The following LINGO1 variants were observed in gnomAD, a reference collection of about 807,000 sequenced individuals.
The protein encoded by LINGO1 is leucine-rich repeat and immunoglobulin-like domain-containing nogo receptor-interacting protein 1.
LINGO1 carries 11 observed loss-of-function variants against 37.3 expected under a neutral mutation model. The ratio of observed to expected loss-of-function variants is 0.29; its 90% CI spans 0.19 to 0.49. LINGO1 has a LOEUF of 0.49. Ranked by LOEUF, LINGO1 falls within the 20% of genes least tolerant of loss-of-function variation. The probability of loss-of-function intolerance (pLI) is 0.99; values close to 1 mark genes in which losing one functional copy is unlikely to be tolerated. For synonymous variants in LINGO1, 387 were observed against 403.0 expected, an observed-to-expected ratio of 0.96 and a Z score of 0.48; for missense variants, 585 against 878.2, an observed-to-expected ratio of 0.67 and a Z score of 4.22.
intron 3 of LINGO1, among the ~76,000 whole-genome samples, chr15:77,676,070 C>T (rs2075322523): frequency 1.3e-5 from 2 of 152,220 alleles, no homozygotes; most frequent in Non-Finnish European, 2.9e-5. Flanking sequence ...GGGGGGAAGA[C>T]GAGGAACCTT....
intron 1 of LINGO1, among the ~76,000 whole-genome samples, chr15:77,776,558 G>GGAA (rs1596218444): frequency 1.1e-4 from 7 of 61,272 alleles, no homozygotes; most frequent in South Asian, 4.2e-4. Flanking sequence ...GGGAGGGAGG[G>GGAA]AGCTGACTCT....
intron 3 of LINGO1, among the ~76,000 whole-genome samples, chr15:77,670,391 G>A (rs1424397642): frequency 6.6e-6 from 1 of 152,220 alleles, no homozygotes; most frequent in African/African-American, 2.4e-5. Flanking sequence ...TGTTTAAAAT[G>A]GAACAACACA....
At chr15:77,676,248 G>A (rs148664142) in intron 3 of LINGO1, among the ~76,000 whole-genome samples, 1 of 152,384 alleles carries the variant, frequency 6.6e-6, no homozygotes, top group Non-Finnish European at 1.5e-5. Flanking sequence ...GCTGATCTGA[G>A]GCCAGGGTGA....
chr15:77,703,012 C>G (rs1005038365), intron 2 of LINGO1, among the ~76,000 whole-genome samples: 2 of 152,232 alleles, frequency 1.3e-5, no homozygotes, highest in African/African-American at 4.8e-5. Flanking sequence ...TTGGACCAGG[C>G]AGATGTGAAT....
chr15:77,641,807 C>A, intron 3 of LINGO1: 1 of 454,666 alleles, frequency 2.2e-6, no homozygotes, highest in Non-Finnish European at 4.4e-6. Flanking sequence ...GTTCAGATAG[C>A]AGCTGGACAA....
intron 1 of LINGO1, among the ~76,000 whole-genome samples, chr15:77,777,690 C>G (rs888774068): frequency 6.6e-6 from 1 of 152,084 alleles, no homozygotes; most frequent in South Asian, 2.1e-4. Context: ...ACTTTGGGAG[C>G]CCGCGGCAGG....
intron 1 of LINGO1, among the ~76,000 whole-genome samples, chr15:77,802,379 T>A (rs2076926898): frequency 6.6e-6 from 1 of 151,856 alleles, no homozygotes; most frequent in Admixed American, 6.6e-5. Flanking sequence ...GTGTGCATAG[T>A]GTGTGTAGTA....
At chr15:77,777,035 A>G (rs2076663070) in intron 1 of LINGO1, among the ~76,000 whole-genome samples, 1 of 152,170 alleles carries the variant, frequency 6.6e-6, no homozygotes, top group African/African-American at 2.4e-5. Flanking sequence ...CATCTAGGCA[A>G]ATCTCAGTCC....
chr15:77,646,550 C>A (rs986964045), intron 3 of LINGO1: 1 of 403,332 alleles, frequency 2.5e-6, no homozygotes, highest in East Asian at 8.0e-5. Flanking sequence ...CAGGCAGGAA[C>A]CTGGGGTTTC....
chr15:77,820,595 G>T (rs944096517), upstream of LINGO1, among the ~76,000 whole-genome samples: 2 of 152,210 alleles, frequency 1.3e-5, no homozygotes, highest in Non-Finnish European at 2.9e-5. Context: ...GGGCTCACGG[G>T]CTGGCGTCCC....
intron 2 of LINGO1, among the ~76,000 whole-genome samples, chr15:77,710,011 A>G (rs2075899007): frequency 6.6e-6 from 1 of 152,234 alleles, no homozygotes; most frequent in Admixed American, 6.5e-5. Context: ...GGGTCTGAGA[A>G]GGGCACAGGG....
upstream of LINGO1, among the ~76,000 whole-genome samples, chr15:77,698,899 C>A (rs1487287440): frequency 6.6e-6 from 1 of 152,158 alleles, no homozygotes; most frequent in African/African-American, 2.4e-5. Flanking sequence ...TCCCTGCGGA[C>A]AAGAGCAGGC....
chr15:77,810,266 ACT>A (rs1376274875), intron 1 of LINGO1, among the ~76,000 whole-genome samples: 1 of 124,986 alleles, frequency 8.0e-6, no homozygotes, highest in African/African-American at 2.6e-5. Flanking sequence ...ACATGCACAC[ACT>A]CACACACACA....
chr15:77,690,260 T>C lies in LINGO1; in HGVS notation c.-99+460A>G, dbSNP rs184101029. Reference sequence around the variant, plus strand: ...TGTGGACCCAGTTAAAGGTTCAGGATGAGCTGAATCGAGATCAACTCGAGG... The same window carrying C: ...TGTGGACCCAGTTAAAGGTTCAGGACGAGCTGAATCGAGATCAACTCGAGG... On this transcript the variant is annotated intron_variant, in intron 2 of 3. Coordinates refer to the LINGO1 transcript ENST00000559893. 4.9e-4 allele frequency among the ~76,000 whole-genome samples: 74 copies of C among 152,318 alleles called. 1 individual carries two copies. Among genetic ancestry groups the C allele is most frequent in the African/African-American group, 1.7e-3 (69 of 41,578 alleles).
intron 3 of LINGO1, among the ~76,000 whole-genome samples, chr15:77,663,617 C>A (rs1045621347): frequency 1.2e-4 from 18 of 152,354 alleles, no homozygotes; most frequent in African/African-American, 3.6e-4. Flanking sequence ...ACCCAGACCC[C>A]CAGCCCCTGC....
At position 77,614,486 on chromosome 15, in the gene LINGO1, A is replaced by G. The variant is rs1451968839; in HGVS notation, c.1421T>C (p.Leu474Pro). The G allele has an allele frequency of 1.2e-6, 2 of 1,610,382 alleles. No individual in the cohort carries two copies. Among genetic ancestry groups the G allele is most frequent in the Non-Finnish European group, 1.7e-6 (2 of 1,179,738 alleles). Residue 474 changes from leucine (L) to proline (P), a missense_variant, in exon 2 of 2, where the codon CTC becomes CCC. This residue lies in a region of LINGO1 where 484 missense variants were observed against 735.0 expected (regional missense o/e 0.66). Transcript: ENST00000355300. ...CAGCGTGCCATCAGGGAAGACTGTG[A>G]GCCGCCCATTGCTCTTGGCTGAGAC... The part of the protein sequence containing the change: ...HLVSAKSNGR[L>P]TVFPDGTLEV...
intron 1 of LINGO1, among the ~76,000 whole-genome samples, chr15:77,628,700 G>A (rs9920132): frequency 0.2 from 30,088 of 152,062 alleles, 6,479 homozygotes; most frequent in African/African-American, 0.54. Flanking sequence ...TATTATTACT[G>A]CTACTACGAT....
upstream of LINGO1, among the ~76,000 whole-genome samples, chr15:77,696,731 T>C (rs1274580559): frequency 6.6e-6 from 1 of 152,208 alleles, no homozygotes; most frequent in South Asian, 2.1e-4. Context: ...CCGTTTCCAG[T>C]GGCTGAGTAG....
chr15:77,730,854 A>G lies in LINGO1; in HGVS notation c.-195+4138T>C, dbSNP rs1282669977. Among the ~76,000 whole-genome samples, 4 of 152,200 alleles carry G rather than the reference A, an allele frequency of 2.6e-5. No individual in the cohort carries two copies. The East Asian group carries it at 7.7e-4, about 29-fold the overall frequency. ...AGGCCTGGCCACAGAAAGGCTGGTA[A>G]ATGACAGCTGGGGCAGGGTCCTGGC... On this transcript the variant is annotated intron_variant, in intron 2 of 3. Coordinates refer to the LINGO1 transcript ENST00000561686.
Sources: gnomAD v4.1 joint callset for allele counts (sites outside exome capture counted in the v4.1 genomes callset) on GRCh38, gnomAD v4.1.1 for gene constraint, gnomAD v4.1.1 regional missense constraint, MANE v1.5 for transcripts, NCBI Gene and HGNC (gene_info 2026-07-23, HGNC 2026-07-21) for gene names.